Variants in MAP2K5 observed in about 807,000 individuals in gnomAD.
MAP2K5 encodes the protein mitogen-activated protein kinase kinase 5.
MAP2K5 carries 49 observed loss-of-function variants against 83.1 expected under a neutral mutation model. The observed-to-expected ratio is 0.59, with a 90% CI of 0.47 to 0.75. The LOEUF is 0.75. Among genes scored for constraint, MAP2K5 ranks in the 30% least tolerant of loss-of-function variants. The pLI, the probability that MAP2K5 is intolerant of heterozygous loss-of-function variation, is 0.00. For missense variants in MAP2K5, 457 were observed against 557.5 expected (o/e 0.82, Z 1.82); for synonymous variants, 202 against 191.8 (o/e 1.05, Z -0.44).
intron 16 of MAP2K5, 119 bp downstream of exon 16, chr15:67,703,527 T>A (rs2088472790): frequency 1.3e-6 from 1 of 763,016 alleles, no homozygotes; most frequent in South Asian, 1.8e-5. Flanking sequence ...TATAGATGTA[T>A]ACAGAGTTTG....
chr15:67,634,404 A>G (rs983075814), intron 9 of MAP2K5, among the ~76,000 whole-genome samples: 3 of 138,630 alleles, frequency 2.2e-5, no homozygotes, highest in African/African-American at 8.6e-5. Context: ...AAAAAAAAAA[A>G]AAAAAGAATG....
chr15:67,692,505 A>G lies in MAP2K5; in HGVS notation c.874A>G (p.Asn292Asp), dbSNP rs1307352938. The change falls in exon 14 of 22, where the codon AAC becomes GAC. Residue 292 changes from asparagine to aspartate, a missense_variant. Physicochemically the swap from Asn to Asp is conservative, Grantham distance 23 (BLOSUM62 1). This residue lies in a region of MAP2K5 where 168 missense variants were observed against 263.0 expected (regional missense o/e 0.64). Coordinates refer to ENST00000178640, the MANE Select transcript of MAP2K5 (RefSeq NM_145160.3). ...CGTGAAGCCCTCCAATATGCTAGTA[A>G]ACACAAGAGGACAGGTTAAGCTGTG... is the stretch of plus-strand genomic sequence containing the variant. The part of the protein sequence containing the change: ...RDVKPSNMLV[N>D]TRGQVKLCDF... 1.2e-6 allele frequency: 2 copies of G among 1,613,550 alleles called. No homozygotes were observed. The highest frequency in any genetic ancestry group is 1.7e-6 in the Non-Finnish European group (2 of 1,179,678).
chr15:67,587,529 A>G lies in MAP2K5; in HGVS notation c.431+616A>G, dbSNP rs1246017930. The stretch of plus-strand genomic sequence containing the variant: ...CCTACTCCTTGCCAAATGGTCATCA[A>G]ATCTCTTACTGAACATCCCTGTCGG... On this transcript the variant is annotated intron_variant, in intron 6 of 21. Transcript: ENST00000178640. The surrounding 1 kb of genome is among the most constrained non-coding windows in gnomAD (Gnocchi z 4.8). 4.6e-5 allele frequency among the ~76,000 whole-genome samples: 7 copies of G among 152,156 alleles called. No individual in the cohort carries two copies.
At chr15:67,734,533 A>C (rs141095781) in intron 17 of MAP2K5, among the ~76,000 whole-genome samples, 2 of 152,334 alleles carry the variant, frequency 1.3e-5, no homozygotes, top group East Asian at 3.9e-4. Flanking sequence ...TTGAAGTACT[A>C]GAGTTTTTAC....
chr15:67,664,688 G>T, intron 13 of MAP2K5, 43 bp downstream of exon 13: 1 of 1,339,728 alleles, frequency 7.5e-7, no homozygotes. Flanking sequence ...TTGGGGTGGG[G>T]TTGGGTCTCT....
chr15:67,681,215 T>C (rs1197101694), intron 13 of MAP2K5, among the ~76,000 whole-genome samples: 1 of 152,210 alleles, frequency 6.6e-6, no homozygotes. Flanking sequence ...GGATATCATA[T>C]ACAGGATATG....
At chr15:67,634,367 C>CA (rs71142390) in intron 9 of MAP2K5, among the ~76,000 whole-genome samples, 2 of 48,576 alleles carry the variant, frequency 4.1e-5, no homozygotes, top group East Asian at 6.6e-4. Flanking sequence ...GACCTCATCT[C>CA]AAAAAAAAAA....
intron 2 of MAP2K5, among the ~76,000 whole-genome samples, chr15:67,553,967 A>T (rs1055435609): frequency 6.7e-6 from 1 of 149,018 alleles, no homozygotes; most frequent in African/African-American, 2.4e-5. Flanking sequence ...GATATAGCTT[A>T]TAAGGAATTT....
intron 16 of MAP2K5, among the ~76,000 whole-genome samples, chr15:67,716,778 A>C (rs2088836219): frequency 6.6e-6 from 1 of 152,110 alleles, no homozygotes; most frequent in African/African-American, 2.4e-5. Context: ...CCTCTTGCTC[A>C]GTGTCATTCT....
intron 4 of MAP2K5, among the ~76,000 whole-genome samples, chr15:67,583,608 A>G (rs533897197): frequency 6.6e-6 from 1 of 152,324 alleles, no homozygotes; most frequent in African/African-American, 2.4e-5. Context: ...ATCGACATGT[A>G]GACATACTGG....
intron 19 of MAP2K5, among the ~76,000 whole-genome samples, chr15:67,756,514 A>AGTGTGTGTGTGTGT (rs1566953852): frequency 7.1e-5 from 7 of 97,926 alleles, no homozygotes; most frequent in South Asian, 3.9e-4. Flanking sequence ...ACACACAGTT[A>AGTGTGTGTGTGTGT]CTGTGTGTGT....
intron 21 of MAP2K5, among the ~76,000 whole-genome samples, chr15:67,784,477 G>A (rs562492804): frequency 1.3e-5 from 2 of 152,326 alleles, no homozygotes; most frequent in East Asian, 3.9e-4. Context: ...CCCTCCCTAT[G>A]GTCCCTTCCA....
Position 67,768,184 on chromosome 15 carries a change from T to C in MAP2K5, c.1135-1418T>C, listed in dbSNP as rs374985400. On this transcript the variant is annotated intron_variant, in intron 19 of 21. Coordinates refer to ENST00000178640, the MANE Select transcript of MAP2K5 (RefSeq NM_145160.3). The surrounding 1 kb of genome is among the most constrained non-coding windows in gnomAD (Gnocchi z 4.0). ...ATTGGAAACAAAGCCTTAATAAGAG[T>C]TCTAGTTAATTTTCTGTCTTGTAAT... Among the ~76,000 whole-genome samples, 63 of 152,212 alleles carry C rather than the reference T, an allele frequency of 4.1e-4. No homozygotes were observed. The highest frequency in any genetic ancestry group is 6.8e-3 in the Middle Eastern group (2 of 294).
intron 13 of MAP2K5, among the ~76,000 whole-genome samples, chr15:67,669,504 G>A (rs1431213079): frequency 1.3e-5 from 2 of 152,134 alleles, no homozygotes; most frequent in African/African-American, 2.4e-5. Context: ...TAGTGGAACA[G>A]CAAAGAGGCC....
rs1555529574 is a variant in MAP2K5, at chr15:67,590,446, C to CTCTCTCTCTCTCTCTCTCT, written c.432-2480_432-2479insTCTCTCTCTCTCTCTCTCT. Among the ~76,000 whole-genome samples the CTCTCTCTCTCTCTCTCTCT allele has an allele frequency of 4.3e-3, 132 of 30,516 alleles. 5 individuals carry two copies. Among genetic ancestry groups the CTCTCTCTCTCTCTCTCTCT allele is most frequent in the Non-Finnish European group, 5.1e-3 (80 of 15,814 alleles). The allele number at this position is 30,516 out of a possible 152,430, so 20.0% of individuals were successfully genotyped here. On this transcript the variant is annotated intron_variant, in intron 6 of 21. Transcript: ENST00000178640. The stretch of plus-strand genomic sequence containing the variant: ...CCCTCCCTCTCTCTCTCCCTCCCTC[C>CTCTCTCTCTCTCTCTCTCT]CTCTCTCTCTCTCTCTCTCTCTCTC...
chr15:67,746,892 G>C lies in MAP2K5; in HGVS notation c.1075-1339G>C, dbSNP rs2089616252. Among the ~76,000 whole-genome samples the C allele has an allele frequency of 6.6e-6, 1 of 152,222 alleles. No homozygotes were observed. Among genetic ancestry groups the C allele is most frequent in the Non-Finnish European group, 1.5e-5 (1 of 68,034 alleles). On this transcript the variant is annotated intron_variant, in intron 17 of 21. Transcript: ENST00000178640. The surrounding 1 kb of genome is among the most constrained non-coding windows in gnomAD (Gnocchi z 4.1). ...GCTGATCAGCCACATGGATGCAAAAGAAATGCATAAACATAGCTGCAGCTC... is the reference window on the plus strand; with the variant it reads ...GCTGATCAGCCACATGGATGCAAAACAAATGCATAAACATAGCTGCAGCTC...
chr15:67,739,193 T>C (rs1468287325), intron 17 of MAP2K5, among the ~76,000 whole-genome samples: 1 of 148,414 alleles, frequency 6.7e-6, no homozygotes. Flanking sequence ...GGAGGGAGGA[T>C]CACTTGTGCC....
chr15:67,719,834 G>C lies in MAP2K5; in HGVS notation c.1045-8082G>C, dbSNP rs1411762515. On this transcript the variant is annotated intron_variant, in intron 16 of 21. Transcript: ENST00000178640. This position sits in a 1 kb window ranked among gnomAD's most constrained non-coding sequence, Gnocchi z 4.6. The stretch of plus-strand genomic sequence containing the variant: ...CATTTTTCAATTAGAAAAGTAAAAT[G>C]GTTGCTCTCATTAATCATGACTAAA... Among the ~76,000 whole-genome samples, 2 of 152,136 alleles carry C rather than the reference G, an allele frequency of 1.3e-5. No homozygotes were observed. The highest frequency in any genetic ancestry group is 4.8e-5 in the African/African-American group (2 of 41,430).
chr15:67,583,583 AT>A (rs965453840), intron 4 of MAP2K5, among the ~76,000 whole-genome samples: 3 of 152,130 alleles, frequency 2.0e-5, no homozygotes, highest in Non-Finnish European at 2.9e-5. Flanking sequence ...AAGTGAAATT[AT>A]GCAAATTTAC....
Sources: allele counts gnomAD v4.1 joint callset (sites outside exome capture counted in the v4.1 genomes callset), GRCh38; gene constraint gnomAD v4.1.1; regional missense constraint gnomAD v4.1.1; non-coding constraint Gnocchi (gnomAD v3.1); transcripts MANE v1.5; gene names NCBI Gene and HGNC (gene_info 2026-07-23, HGNC 2026-07-21).